Variants in PLA2R1 observed in about 807,000 individuals in gnomAD.
PLA2R1 encodes the protein secretory phospholipase A2 receptor.
In PLA2R1, 158 loss-of-function variants were observed where a neutral mutation model predicts 195.9. The ratio of observed to expected loss-of-function variants is 0.81; its 90% CI spans 0.71 to 0.92. The LOEUF is 0.92. Among genes scored for constraint, PLA2R1 ranks in the 40% least tolerant of loss-of-function variants. The probability of loss-of-function intolerance (pLI) is 0.00; values close to 1 mark genes in which losing one functional copy is unlikely to be tolerated. For synonymous variants in PLA2R1, 586 were observed against 598.2 expected (o/e 0.98, Z 0.30); for missense variants, 1,626 against 1,764.6 (o/e 0.92, Z 1.41).
At chr2:160,052,184 G>A (rs1291589777) in intron 1 of PLA2R1, among the ~76,000 whole-genome samples, 2 of 152,108 alleles carry the variant, frequency 1.3e-5, no homozygotes, top group African/African-American at 4.8e-5. Context: ...GTTTCATGAG[G>A]CACACAATAG....
At chr2:160,061,689 C>T (rs1695961380) in intron 1 of PLA2R1, among the ~76,000 whole-genome samples, 1 of 152,108 alleles carries the variant, frequency 6.6e-6, no homozygotes, top group Non-Finnish European at 1.5e-5. Flanking sequence ...GTGGGAGGAT[C>T]GCTTGACCCC....
At chr2:160,033,421 A>T (rs1693980344) in intron 3 of PLA2R1, among the ~76,000 whole-genome samples, 1 of 152,242 alleles carries the variant, frequency 6.6e-6, no homozygotes. Flanking sequence ...AGGAAGTAGA[A>T]GCGAAGTATT....
intron 20 of PLA2R1, among the ~76,000 whole-genome samples, chr2:159,957,334 T>C (rs1222002366): frequency 6.6e-6 from 1 of 152,182 alleles, no homozygotes; most frequent in Non-Finnish European, 1.5e-5. Context: ...GTCTGCATCA[T>C]GGCAGAGGTT....
At chr2:160,000,470 T>C (rs373972161) in intron 11 of PLA2R1, among the ~76,000 whole-genome samples, 22 of 152,144 alleles carry the variant, frequency 1.4e-4, no homozygotes, top group South Asian at 4.1e-4. Flanking sequence ...CAAATGCTAA[T>C]TTTCACTGGA....
chr2:159,955,499 A>G (rs1171459758), intron 22 of PLA2R1, among the ~76,000 whole-genome samples, 153 bp from the exon 23 acceptor site: 1 of 151,980 alleles, frequency 6.6e-6, no homozygotes, highest in Non-Finnish European at 1.5e-5. Flanking sequence ...CATAACCTAC[A>G]AAATAAACAA....
chr2:160,043,610 T>A (rs1417373877), intron 2 of PLA2R1, among the ~76,000 whole-genome samples: 1 of 152,204 alleles, frequency 6.6e-6, no homozygotes, highest in African/African-American at 2.4e-5. Context: ...CATGCCCTTT[T>A]CTTTCAGTCC....
chr2:159,998,399 C>T (rs1573858075), intron 11 of PLA2R1, among the ~76,000 whole-genome samples: 1 of 152,210 alleles, frequency 6.6e-6, no homozygotes, highest in Admixed American at 6.5e-5. Context: ...TAAATAACTT[C>T]CCTGAGATCA....
chr2:159,939,977 G>C lies in PLA2R1; in HGVS notation c.*1801C>G, dbSNP rs1313969363. ...CTTAAAAAAATTATGGAGGTAGACT[G>C]TCCCAGTGTGTAAATTATTATAACA... is the stretch of plus-strand genomic sequence containing the variant. On this transcript the variant is annotated 3_prime_UTR_variant, in exon 30 of 30. Coordinates refer to ENST00000283243, the MANE Select transcript of PLA2R1 (RefSeq NM_007366.5). 2 of 152,218 alleles carry C rather than the reference G, an allele frequency of 1.3e-5. No homozygotes were observed. Among genetic ancestry groups the C allele is most frequent in the East Asian group, 3.8e-4 (2 of 5,200 alleles). The allele number at this position is 152,218 out of a possible 1,614,324, so 9.4% of individuals were successfully genotyped here.
At chr2:160,023,126 A>T (rs1301849264) in intron 6 of PLA2R1, among the ~76,000 whole-genome samples, 1 of 152,154 alleles carries the variant, frequency 6.6e-6, no homozygotes, top group Non-Finnish European at 1.5e-5. Flanking sequence ...GAGAGGAGGG[A>T]TGGCAGCAAG....
At chr2:160,051,402 C>T (rs977330202) in intron 1 of PLA2R1, among the ~76,000 whole-genome samples, 1 of 152,238 alleles carries the variant, frequency 6.6e-6, no homozygotes, top group Non-Finnish European at 1.5e-5. Flanking sequence ...GCCCTTCCTG[C>T]CCGGCAGCCT....
At chr2:159,942,693 T>C (rs1687153191) in intron 28 of PLA2R1, among the ~76,000 whole-genome samples, 3 of 152,212 alleles carry the variant, frequency 2.0e-5, no homozygotes, top group African/African-American at 7.2e-5. Flanking sequence ...CAACAGCTTC[T>C]CCATCCAAAA....
intron 17 of PLA2R1, among the ~76,000 whole-genome samples, chr2:159,970,960 G>T (rs1689122736): frequency 6.6e-6 from 1 of 151,134 alleles, no homozygotes; most frequent in African/African-American, 2.4e-5. Flanking sequence ...CGGGGGGTGG[G>T]GGGCTGGGGG....
At chr2:159,960,882 C>G (rs1049830286) in intron 20 of PLA2R1, among the ~76,000 whole-genome samples, 2 of 152,056 alleles carry the variant, frequency 1.3e-5, no homozygotes, top group South Asian at 4.1e-4. Flanking sequence ...AATTCACAAA[C>G]AATAAGCAAA....
At position 159,987,277 on chromosome 2, in the gene PLA2R1, G is replaced by C. The variant is rs769940104; in HGVS notation, c.1916C>G (p.Ala639Gly). 1 of 1,613,048 alleles carries C rather than the reference G, an allele frequency of 6.2e-7. No individual in the cohort carries two copies. The highest frequency in any genetic ancestry group is 8.5e-7 in the Non-Finnish European group (1 of 1,179,806). Residue 639 changes from alanine (A) to glycine (G), a missense_variant, in exon 12 of 30, where the codon GCA becomes GGA. Ala to Gly is a moderately conservative substitution (Grantham distance 60). Coordinates refer to ENST00000283243, the MANE Select transcript of PLA2R1 (RefSeq NM_007366.5). ...AACTGGCTGCTTGCACAAGGACATT[G>C]CCTTAAAGTGCCGACAGTGCTTCAC... Reference protein sequence around the residue: ...WEVKHCRHFKAMSLCKQPVEN... With the variant: ...WEVKHCRHFKGMSLCKQPVEN...
intron 4 of PLA2R1, among the ~76,000 whole-genome samples, chr2:160,031,769 T>C (rs2105521003): frequency 6.6e-6 from 1 of 152,296 alleles, no homozygotes; most frequent in Non-Finnish European, 1.5e-5. Flanking sequence ...TTTTTATTTA[T>C]GTATTTATGT....
chr2:160,049,369 A>G (rs1169757257), intron 1 of PLA2R1, among the ~76,000 whole-genome samples: 1 of 152,212 alleles, frequency 6.6e-6, no homozygotes, highest in Admixed American at 6.5e-5. Flanking sequence ...CATATGGAAC[A>G]TTCATTCATT....
chr2:159,928,895 G>T (rs1686534879), downstream of PLA2R1, among the ~76,000 whole-genome samples: 1 of 152,142 alleles, frequency 6.6e-6, no homozygotes, highest in South Asian at 2.1e-4. Flanking sequence ...AAAACATAAA[G>T]TGGGGAAAGG....
intron 1 of PLA2R1, among the ~76,000 whole-genome samples, chr2:160,057,579 C>T (rs908738696): frequency 3.9e-5 from 6 of 152,148 alleles, no homozygotes; most frequent in African/African-American, 1.4e-4. Context: ...AAACAAATGT[C>T]TTTTTATGAG....
At position 160,044,847 on chromosome 2, in the gene PLA2R1, GGCCACCACTGTGTTGTCATGC is replaced by G. The variant is rs1408576905; in HGVS notation, c.399_419del (p.His134_Ala140del). The G allele has an allele frequency of 6.2e-7, 1 of 1,613,902 alleles. No homozygotes were observed. Among genetic ancestry groups the G allele is most frequent in the Admixed American group, 1.7e-5 (1 of 60,032 alleles). On this transcript the variant is annotated inframe_deletion, in exon 2 of 30. Transcript: ENST00000283243. ...TCCACTTATGAATATACTTCCGTGA[GGCCACCACTGTGTTGTCATGC>G]GCCACCTGGACAGAGTACTGCAGCG...
Sources: gnomAD v4.1 joint callset for allele counts (sites outside exome capture counted in the v4.1 genomes callset) on GRCh38, gnomAD v4.1.1 for gene constraint, MANE v1.5 for transcripts, NCBI Gene and HGNC (gene_info 2026-07-23, HGNC 2026-07-21) for gene names.